The following ZSWIM4 variants were observed in gnomAD, a reference collection of about 807,000 sequenced individuals.
The protein encoded by ZSWIM4 is zinc finger SWIM domain-containing protein 4.
A neutral mutation model predicts 102.5 loss-of-function variants in ZSWIM4; 62 were observed. The ratio of observed to expected loss-of-function variants is 0.60; its 90% confidence interval spans 0.49 to 0.75. The LOEUF (loss-of-function observed/expected upper bound fraction) is 0.75. ZSWIM4 is among the 30% of genes least tolerant of loss of function. ZSWIM4 has a pLI of 0.00. For missense variants in ZSWIM4, 1,280 were observed against 1,529.6 expected (o/e 0.84, Z 2.72); for synonymous variants, 652 against 674.5 (o/e 0.97, Z 0.52).
chr19:13,831,235 A>G lies in ZSWIM4; in HGVS notation c.*185A>G. 2 of 736,554 alleles carry G rather than the reference A, an allele frequency of 2.7e-6. No homozygotes were observed. The highest frequency in any genetic ancestry group is 4.2e-6 in the Non-Finnish European group (2 of 476,318). The allele number at this position is 736,554 out of a possible 1,614,324, so 45.6% of individuals were successfully genotyped here. A position where few individuals can be genotyped will look rare whatever the true frequency, so the allele number is the denominator to read the frequency against. On this transcript the variant is annotated 3_prime_UTR_variant, in exon 14 of 14. Coordinates refer to ENST00000590508, the MANE Select transcript of ZSWIM4 (RefSeq NM_001367834.3). Reference sequence around the variant, plus strand: ...CTGGGAGTCTGTGAGCAAGTGTGCAAGACTCCAGAAGCAGAAGCCATACTG... The same window carrying G: ...CTGGGAGTCTGTGAGCAAGTGTGCAGGACTCCAGAAGCAGAAGCCATACTG...
chr19:13,795,534 C>G lies in ZSWIM4; in HGVS notation c.-115C>G, dbSNP rs1371523378. ...CGGTAGGGGTCCCGGGGCGGCCGAG[C>G]GCAGAGGACGGACGGGAAGGAGGGC... On this transcript the variant is annotated 5_prime_UTR_variant, in exon 1 of 14. Transcript: ENST00000590508. 4.7e-6 allele frequency: 1 copy of G among 210,872 alleles called. No individual in the cohort carries two copies. The highest frequency in any genetic ancestry group is 9.2e-6 in the Non-Finnish European group (1 of 108,162). The allele number at this position is 210,872 out of a possible 1,614,324, so 13.1% of individuals were successfully genotyped here.
intron 13 of ZSWIM4, among the ~76,000 whole-genome samples, chr19:13,829,728 G>A (rs183611490): frequency 5.3e-5 from 8 of 152,262 alleles, no homozygotes; most frequent in Admixed American, 5.2e-4. Flanking sequence ...AGGAGGCTGA[G>A]GCAGGAGAAT....
chr19:13,820,900 C>T (rs920346566), intron 10 of ZSWIM4, among the ~76,000 whole-genome samples: 4 of 148,440 alleles, frequency 2.7e-5, no homozygotes, highest in South Asian at 2.1e-4. Context: ...TAGACATTTA[C>T]GCAATTTCCA....
At chr19:13,800,015 A>T (rs1238946506) in intron 2 of ZSWIM4, 94 bp downstream of exon 2, 15 of 1,163,616 alleles carry the variant, frequency 1.3e-5, no homozygotes, top group African/African-American at 3.3e-5. Flanking sequence ...GGGCCAGGGG[A>T]TGGGAGGTTA....
chr19:13,814,695 A>G lies in ZSWIM4; in HGVS notation c.1361A>G (p.Gln454Arg). Residue 454 changes from glutamine (Q) to arginine (R), a missense_variant, in exon 7 of 14, where the codon CAG (glutamine) becomes CGG (arginine). Physicochemically the swap from Gln to Arg is conservative, Grantham distance 43. Transcript: ENST00000590508. ...GGGGACAAACCGACTTTCGACCCCC[A>G]GGGCCGCCCACTGTGGCTGGGAGAA... Reference protein sequence around the residue: ...VGGDKPTFDPQGRPLWLGEPF... With the variant: ...VGGDKPTFDPRGRPLWLGEPF... The G allele has an allele frequency of 7.8e-7, 1 of 1,285,508 alleles. No homozygotes were observed. Among genetic ancestry groups the G allele is most frequent in the Non-Finnish European group, 1.0e-6 (1 of 985,912 alleles). 79.6% of individuals were successfully genotyped at this position (1,285,508 alleles called of 1,614,324 possible).
intron 1 of ZSWIM4, among the ~76,000 whole-genome samples, chr19:13,797,733 G>A (rs760457441): frequency 2.4e-4 from 37 of 152,066 alleles, no homozygotes; most frequent in Non-Finnish European, 5.3e-4. Context: ...GCTCACTGTA[G>A]CCTCCACCTC....
rs183868615 is a variant in ZSWIM4 at position 13,821,764 on chromosome 19, G to A, written c.2061-1582G>A. 3.6e-3 allele frequency among the ~76,000 whole-genome samples: 547 copies of A among 151,828 alleles called. 1 individual carries two copies. The highest frequency in any genetic ancestry group is 0.012 in the African/African-American group (507 of 41,388). On this transcript the variant is annotated intron_variant, in intron 10 of 13. Transcript: ENST00000590508. ...GAGGGAGTCTCACTTTCTCGCCCAG[G>A]CTGGAGTGCAGTGGCACAATCTCAG...
chr19:13,806,002 C>A, intron 3 of ZSWIM4, among the ~76,000 whole-genome samples: 1 of 148,752 alleles, frequency 6.7e-6, no homozygotes. Context: ...TGATCAGTCA[C>A]TGAGGGCAAC....
At position 13,830,928 on chromosome 19, in the gene ZSWIM4, C is replaced by T. The variant is rs753222350; in HGVS notation, c.3199C>T (p.Arg1067Trp). 3 of 1,614,200 alleles carry T rather than the reference C, an allele frequency of 1.9e-6. No individual in the cohort carries two copies. Among genetic ancestry groups the T allele is most frequent in the South Asian group, 2.2e-5 (2 of 91,086 alleles). The change falls in exon 14 of 14, where the codon CGG becomes TGG. Residue 1067 changes from arginine (R) to tryptophan (W), a missense_variant. By Grantham distance (101) the Arg-to-Trp change is moderately radical (BLOSUM62 -3). Coordinates refer to ENST00000590508, the MANE Select transcript of ZSWIM4 (RefSeq NM_001367834.3). ...GDFIEFLGKA[R>W]ETFLLAPDGH... The stretch of plus-strand genomic sequence containing the variant: ...TTTCATCGAATTCCTGGGCAAGGCC[C>T]GGGAGACCTTCCTGCTGGCGCCCGA...
rs191007071 is a variant in ZSWIM4, at chr19:13,831,859, C to G, written c.*809C>G. 669 of 152,016 alleles carry G rather than the reference C, an allele frequency of 4.4e-3. 7 individuals are homozygous for G. Among genetic ancestry groups the G allele is most frequent in the Admixed American group, 4.6e-3 (70 of 15,242 alleles). 9.4% of individuals were successfully genotyped at this position (152,016 alleles called of 1,614,324 possible). A position where few individuals can be genotyped will look rare whatever the true frequency, so the allele number is the denominator to read the frequency against. On this transcript the variant is annotated 3_prime_UTR_variant, in exon 14 of 14. Transcript: ENST00000590508. ...TTCTGGCTTTTTCACCCTTTCGCCT[C>G]CTGTCTTTCTGCTTCGCCCCTTCAT...
chr19:13,814,297 C>T (rs1975199811), intron 6 of ZSWIM4, among the ~76,000 whole-genome samples: 1 of 152,130 alleles, frequency 6.6e-6, no homozygotes, highest in African/African-American at 2.4e-5. Flanking sequence ...GATCCTCCCA[C>T]CTTGGCCTCC....
At chr19:13,821,535 A>G (rs1975461900) in intron 10 of ZSWIM4, among the ~76,000 whole-genome samples, 3 of 152,008 alleles carry the variant, frequency 2.0e-5, no homozygotes, top group Admixed American at 1.3e-4. Flanking sequence ...ACAGAGCAAG[A>G]CCCCATCTCT....
intron 12 of ZSWIM4, among the ~76,000 whole-genome samples, chr19:13,828,238 A>T (rs1599619013): frequency 1.3e-5 from 2 of 152,016 alleles, no homozygotes; most frequent in Non-Finnish European, 2.9e-5. Flanking sequence ...GTGAAACCCC[A>T]TCTCTACTAA....
Position 13,795,509 on chromosome 19 carries a change from C to A in ZSWIM4, c.-140C>A, listed in dbSNP as rs1169684184. 9.5e-6 allele frequency: 2 copies of A among 209,896 alleles called. No individual in the cohort carries two copies. The highest frequency in any genetic ancestry group is 5.8e-5 in the Admixed American group (1 of 17,128). 13.0% of individuals were successfully genotyped at this position (209,896 alleles called of 1,614,324 possible). A position where few individuals can be genotyped will look rare whatever the true frequency, so the allele number is the denominator to read the frequency against. ...GCCCGGCGCGGGTCGGGGGTGGGTG[C>A]GGTAGGGGTCCCGGGGCGGCCGAGC... On this transcript the variant is annotated 5_prime_UTR_variant, in exon 1 of 14. Coordinates refer to ENST00000590508, the MANE Select transcript of ZSWIM4 (RefSeq NM_001367834.3).
chr19:13,824,638 A>C (rs749711625), intron 11 of ZSWIM4, among the ~76,000 whole-genome samples: 1 of 152,000 alleles, frequency 6.6e-6, no homozygotes. Flanking sequence ...AGGCTGAGGC[A>C]GGAGAATCAC....
At chr19:13,822,883 G>A (rs1348216613) in intron 10 of ZSWIM4, among the ~76,000 whole-genome samples, 1 of 152,032 alleles carries the variant, frequency 6.6e-6, no homozygotes, top group African/African-American at 2.4e-5. Flanking sequence ...GGAGGCTGAG[G>A]CAAGAGAATC....
rs1439999818 is a variant in ZSWIM4, at chr19:13,799,762, C to T, written c.196C>T (p.Arg66Cys). The T allele has an allele frequency of 4.3e-6, 7 of 1,613,954 alleles. No individual in the cohort carries two copies. The highest frequency in any genetic ancestry group is 5.1e-6 in the Non-Finnish European group (6 of 1,180,024). ...FSRVPEPVQK[R>C]IVFWSFPRSE... ...CCGGGTGCCTGAGCCCGTCCAGAAG[C>T]GCATCGTGTTTTGGTCGTTTCCACG... The change falls in exon 2 of 14, where the codon CGC becomes TGC. Residue 66 changes from arginine (R) to cysteine (C), a missense_variant. Physicochemically the swap from Arg to Cys is radical, Grantham distance 180. Transcript: ENST00000590508.
Position 13,819,470 on chromosome 19 carries a change from C to G in ZSWIM4, c.2038C>G (p.Arg680Gly), listed in dbSNP as rs146417317. The G allele has an allele frequency of 6.2e-7, 1 of 1,605,904 alleles. No individual in the cohort carries two copies. Among genetic ancestry groups the G allele is most frequent in the East Asian group, 2.2e-5 (1 of 44,522 alleles). ...LLPHDPDLAY[R>G]LALRAMRLPI... is the part of the protein sequence containing the mutation. ...GCCTCATGACCCGGACCTGGCCTAT[C>G]GCCTCGCGCTGCGAGCTATGAGGTG... Residue 680 changes from arginine (R) to glycine (G), a missense_variant, in exon 10 of 14, where the codon CGC becomes GGC. Physicochemically the swap from Arg to Gly is moderately radical, Grantham distance 125. Coordinates refer to ENST00000590508, the MANE Select transcript of ZSWIM4 (RefSeq NM_001367834.3).
chr19:13,807,634 G>T (rs1974954178), intron 3 of ZSWIM4, among the ~76,000 whole-genome samples: 1 of 145,982 alleles, frequency 6.9e-6, no homozygotes, highest in South Asian at 2.2e-4. Context: ...TACTACAGGG[G>T]AGATAGATGG....
Sources: gnomAD v4.1 joint callset for allele counts (sites outside exome capture counted in the v4.1 genomes callset) on GRCh38, gnomAD v4.1.1 for gene constraint, MANE v1.5 for transcripts, NCBI Gene and HGNC (gene_info 2026-07-23, HGNC 2026-07-21) for gene names.